ZNF157: variants seen among roughly 807,000 people sequenced by gnomAD.
ZNF157 encodes the protein zinc finger protein 22.
ZNF157 carries 8 observed loss-of-function variants against 9.4 expected under a neutral mutation model. That is an observed-to-expected ratio of 0.85 (90% CI 0.50 to 1.53). The LOEUF is 1.53. Ranked by LOEUF, ZNF157 falls within the 40% of genes most tolerant of loss-of-function variation. The probability of loss-of-function intolerance (pLI) is 0.00; values close to 1 mark genes in which losing one functional copy is unlikely to be tolerated. For missense variants in ZNF157, 316 were observed against 385.2 expected, an observed-to-expected ratio of 0.82 and a Z score of 1.50; for synonymous variants, 120 against 130.8, an observed-to-expected ratio of 0.92 and a Z score of 0.56.
At chrX:47,374,702 CTTTTTTT>C (rs869212909) in intron 1 of ZNF157, among the ~76,000 whole-genome samples, 1 of 56,673 alleles carries the variant, frequency 1.8e-5, no homozygotes, top group Non-Finnish European at 3.0e-5. Flanking sequence ...GCCCAGCAAT[CTTTTTTT>C]TTTTTTTTTT....
intron 1 of ZNF157, among the ~76,000 whole-genome samples, chrX:47,386,451 C>T (rs750959681): frequency 9.0e-6 from 1 of 111,216 alleles, no homozygotes; most frequent in South Asian, 3.8e-4. Context: ...TGAAAGTATA[C>T]AGTATGTGAC....
chrX:47,373,186 G>T (rs1188410627), intron 1 of ZNF157, among the ~76,000 whole-genome samples: 2 of 100,498 alleles, frequency 2.0e-5, no homozygotes, highest in African/African-American at 6.8e-5. Context: ...GCAAAAGAGC[G>T]AGACTCTGTC....
rs144114497 is a variant in ZNF157, at chrX:47,398,175, G to T, written c.73-12101G>T. On this transcript the variant is annotated intron_variant, in intron 1 of 3. Transcript: ENST00000377073. ...TTACCTCCTTGATTCCTGGACCTGT[G>T]AATCCTGGCTATGGGAGAAATCACA... is the stretch of plus-strand genomic sequence containing the variant. Among the ~76,000 whole-genome samples, 22 of 110,650 alleles carry T rather than the reference G, an allele frequency of 2.0e-4. No homozygotes were observed. The East Asian group carries it at 6.3e-3, about 32-fold the overall frequency.
At chrX:47,394,891 T>G (rs2055908693) in intron 1 of ZNF157, among the ~76,000 whole-genome samples, 1 of 111,033 alleles carries the variant, frequency 9.0e-6, no homozygotes, top group Non-Finnish European at 1.9e-5. Flanking sequence ...TGATCTCAGC[T>G]CACTGCAGCC....
At chrX:47,384,250 A>G (rs1295002812) in intron 1 of ZNF157, among the ~76,000 whole-genome samples, 2 of 111,808 alleles carry the variant, frequency 1.8e-5, no homozygotes, top group East Asian at 5.5e-4. Context: ...AAATAAATAA[A>G]TAAGTTTTTT....
intron 1 of ZNF157, among the ~76,000 whole-genome samples, chrX:47,381,092 AAG>A (rs753867824): frequency 1.0e-5 from 1 of 97,642 alleles, no homozygotes; most frequent in African/African-American, 3.9e-5. Flanking sequence ...GAGGAGGAGA[AAG>A]AGAAGGAGGA....
At chrX:47,398,143 T>A (rs1477640192) in intron 1 of ZNF157, among the ~76,000 whole-genome samples, 1 of 110,322 alleles carries the variant, frequency 9.1e-6, no homozygotes, top group East Asian at 2.9e-4. Context: ...GGGAGCCATT[T>A]GCATTTTTAC....
intron 1 of ZNF157, among the ~76,000 whole-genome samples, chrX:47,406,131 T>C (rs1873734915): frequency 9.1e-6 from 1 of 110,124 alleles, no homozygotes; most frequent in African/African-American, 3.3e-5. Flanking sequence ...TATCTTCCTA[T>C]GTTGGCCAGG....
intron 1 of ZNF157, among the ~76,000 whole-genome samples, chrX:47,390,582 G>A (rs934131388): frequency 8.9e-6 from 1 of 112,369 alleles, no homozygotes; most frequent in Non-Finnish European, 1.9e-5. Context: ...GTGCATGCCT[G>A]TAATCCCAGC....
chrX:47,395,850 A>G (rs1474069641), intron 1 of ZNF157, among the ~76,000 whole-genome samples: 1 of 111,382 alleles, frequency 9.0e-6, no homozygotes, highest in Non-Finnish European at 1.9e-5. Context: ...CTGTGGTCCC[A>G]GCTACTCAGG....
At position 47,413,185 on chromosome X, in the gene ZNF157, C is replaced by T; in HGVS notation, c.1112C>T (p.Ser371Leu). The change falls in exon 4 of 4, where the codon TCA becomes TTA. Residue 371 changes from serine to leucine, a missense_variant. Ser to Leu is a moderately radical substitution (Grantham distance 145). Around this residue, in one of 3 missense-constraint regions of ZNF157, gnomAD observed 167 missense variants for 183.6 expected, o/e 0.91. Coordinates refer to ENST00000377073, the MANE Select transcript of ZNF157 (RefSeq NM_003446.4). The stretch of plus-strand genomic sequence containing the variant: ...TGTGGGAAATCTTTCAGGGTGCACT[C>T]ATCTCTTGGGATCCATCAGAGAATT... ...NECGKSFRVH[S>L]SLGIHQRIHT... 1.7e-6 allele frequency: 2 copies of T among 1,211,561 alleles called. No homozygotes were observed. Among genetic ancestry groups the T allele is most frequent in the Non-Finnish European group, 2.2e-6 (2 of 895,173 alleles).
chrX:47,389,338 TG>T (rs1247174494), intron 1 of ZNF157, among the ~76,000 whole-genome samples: 2 of 108,105 alleles, frequency 1.9e-5, no homozygotes, highest in Admixed American at 1.0e-4. Context: ...TCCAAGTAGC[TG>T]GGAGCCATTA....
intron 1 of ZNF157, among the ~76,000 whole-genome samples, chrX:47,393,721 A>G (rs2055904278): frequency 1.2e-5 from 1 of 82,350 alleles, no homozygotes. Flanking sequence ...TTGAGCTACC[A>G]TCCCCGCCAC....
intron 1 of ZNF157, among the ~76,000 whole-genome samples, chrX:47,409,967 C>A (rs1569261003): frequency 8.9e-6 from 1 of 111,878 alleles, no homozygotes; most frequent in African/African-American, 3.2e-5. Context: ...CATTTTTTAA[C>A]CCAGCAACTT....
intron 1 of ZNF157, among the ~76,000 whole-genome samples, chrX:47,400,727 C>T (rs1484332339): frequency 8.9e-6 from 1 of 111,775 alleles, no homozygotes; most frequent in Non-Finnish European, 1.9e-5. Context: ...GCTATCAGGG[C>T]TCACTGCAGC....
intron 1 of ZNF157, among the ~76,000 whole-genome samples, chrX:47,373,325 AG>A (rs1386097171): frequency 8.9e-6 from 1 of 111,976 alleles, no homozygotes; most frequent in African/African-American, 3.2e-5. Context: ...TTGTAGGTAA[AG>A]AAAGGCAGAT....
chrX:47,377,621 G>C (rs1468534992), intron 1 of ZNF157, among the ~76,000 whole-genome samples: 3 of 108,733 alleles, frequency 2.8e-5, no homozygotes, highest in African/African-American at 3.4e-5. Flanking sequence ...TAGTAGAAAT[G>C]GGGTTTCACC....
chrX:47,393,743 C>CCCT (rs2055904767), intron 1 of ZNF157, among the ~76,000 whole-genome samples: 1 of 73,757 alleles, frequency 1.4e-5, no homozygotes, highest in Non-Finnish European at 2.5e-5. Context: ...CTCCCCCGCC[C>CCCT]TTTTTTTTTT....
chrX:47,398,431 A>T (rs1357592068), intron 1 of ZNF157, among the ~76,000 whole-genome samples: 1 of 111,390 alleles, frequency 9.0e-6, no homozygotes, highest in Non-Finnish European at 1.9e-5. Flanking sequence ...ATGATGGTGG[A>T]TTTCCTTTGT....
Sources: gnomAD v4.1 joint callset for allele counts (sites outside exome capture counted in the v4.1 genomes callset) on GRCh38, gnomAD v4.1.1 for gene constraint, gnomAD v4.1.1 regional missense constraint, MANE v1.5 for transcripts, NCBI Gene and HGNC (gene_info 2026-07-23, HGNC 2026-07-21) for gene names.